Variants in FAF1 observed in about 807,000 individuals in gnomAD.
FAF1 encodes FAS-associated factor 1.
In FAF1, 25 loss-of-function variants were observed where a neutral mutation model predicts 92.5. The ratio of observed to expected loss-of-function variants is 0.27; its 90% CI spans 0.20 to 0.38. The LOEUF (loss-of-function observed/expected upper bound fraction) is 0.38, where lower values mean the gene tolerates loss of function less well. FAF1 is among the 10% of genes least tolerant of loss of function. The pLI is 1.00. For missense variants in FAF1, 636 were observed against 793.3 expected (o/e 0.80, Z 2.38); for synonymous variants, 234 against 273.2 (o/e 0.86, Z 1.42).
intron 5 of FAF1, among the ~76,000 whole-genome samples, chr1:50,740,883 TTTTAC>T (rs1409156467): frequency 1.3e-5 from 2 of 152,288 alleles, no homozygotes; most frequent in African/African-American, 4.8e-5. Flanking sequence ...TCTTTCATTG[TTTTAC>T]TTTGTGAATT....
intron 15 of FAF1, among the ~76,000 whole-genome samples, chr1:50,513,933 G>A (rs1263373305): frequency 6.6e-6 from 1 of 152,102 alleles, no homozygotes; most frequent in Admixed American, 6.5e-5. Context: ...CTTGCTTATT[G>A]TATTTCTCCA....
chr1:50,606,489 CTTTTTTTTTTTTTT>C (rs34498946), intron 8 of FAF1, among the ~76,000 whole-genome samples: 1 of 58,538 alleles, frequency 1.7e-5, no homozygotes, highest in Admixed American at 2.1e-4. Context: ...GTGAGAGTTG[CTTTTTTTTTTTTTT>C]TTTTTTTTTT....
chr1:50,901,899 T>G (rs1644800068), intron 1 of FAF1, among the ~76,000 whole-genome samples: 1 of 152,138 alleles, frequency 6.6e-6, no homozygotes, highest in African/African-American at 2.4e-5. Flanking sequence ...TACAGCCAGT[T>G]AACAATCACA....
intron 18 of FAF1, among the ~76,000 whole-genome samples, chr1:50,466,403 A>G (rs926780730): frequency 6.6e-6 from 1 of 152,200 alleles, no homozygotes; most frequent in African/African-American, 2.4e-5. Context: ...TGAGACGCCT[A>G]CTGGATGCAA....
At chr1:50,873,120 G>T (rs953266140) in intron 1 of FAF1, among the ~76,000 whole-genome samples, 6 of 152,170 alleles carry the variant, frequency 3.9e-5, no homozygotes, top group African/African-American at 1.2e-4. Context: ...TGAAGGCTCA[G>T]GTGATAATTA....
In FAF1 at chr1:50,873,447, C is replaced by A. The variant is rs921345860; in HGVS notation, c.46-15450G>T. Among the ~76,000 whole-genome samples the A allele has an allele frequency of 2.0e-5, 3 of 152,126 alleles. No homozygotes were observed. The East Asian group carries it at 5.8e-4, about 29-fold the overall frequency. ...TACTAGACATTATTTGAAATGTACACGCCAGGCTTTTATAGCTCCTTCCTT... is the reference window on the plus strand; with the variant it reads ...TACTAGACATTATTTGAAATGTACAAGCCAGGCTTTTATAGCTCCTTCCTT... On this transcript the variant is annotated intron_variant, in intron 1 of 18. Coordinates refer to ENST00000396153, the MANE Select transcript of FAF1 (RefSeq NM_007051.3).
At chr1:50,586,829 G>T (rs948035745) in intron 9 of FAF1, among the ~76,000 whole-genome samples, 2 of 152,212 alleles carry the variant, frequency 1.3e-5, no homozygotes, top group African/African-American at 4.8e-5. Flanking sequence ...TCTGGAGAAT[G>T]AAGTTGCCTT....
Position 50,635,865 on chromosome 1 carries a change from T to C in FAF1, c.744+19577A>G, listed in dbSNP as rs143716502. On this transcript the variant is annotated intron_variant, in intron 8 of 18. Coordinates refer to ENST00000396153, the MANE Select transcript of FAF1 (RefSeq NM_007051.3). ...AAATTTAGGTCAGCTACTAGGGGAA[T>C]AGACTAAATACTTTGGAAAGCCATC... Among the ~76,000 whole-genome samples the C allele has an allele frequency of 9.9e-4, 151 of 152,332 alleles. 1 individual carries two copies. Among genetic ancestry groups the C allele is most frequent in the African/African-American group, 3.6e-3 (148 of 41,584 alleles).
chr1:50,730,564 T>C (rs1259238439), intron 6 of FAF1, among the ~76,000 whole-genome samples: 1 of 152,226 alleles, frequency 6.6e-6, no homozygotes, highest in East Asian at 1.9e-4. Flanking sequence ...TTATTTTCTA[T>C]CTTTCTTATT....
chr1:50,619,897 G>GTCTC (rs765226812), intron 8 of FAF1, among the ~76,000 whole-genome samples: 1 of 150,214 alleles, frequency 6.7e-6, no homozygotes, highest in Admixed American at 6.6e-5. Context: ...AGTAGATTTG[G>GTCTC]TCTCTCTCTC....
chr1:50,689,614 C>G (rs1656828178), intron 7 of FAF1, among the ~76,000 whole-genome samples: 1 of 152,060 alleles, frequency 6.6e-6, no homozygotes, highest in South Asian at 2.1e-4. Flanking sequence ...CAAAACAAAA[C>G]ATATGTCCAA....
chr1:50,862,591 T>C (rs2124671312), intron 1 of FAF1, among the ~76,000 whole-genome samples: 1 of 151,938 alleles, frequency 6.6e-6, no homozygotes, highest in Admixed American at 6.6e-5. Context: ...ACTTAAAAGA[T>C]ATAGAATGGC....
chr1:50,482,411 C>T (rs1646714561), intron 17 of FAF1, among the ~76,000 whole-genome samples: 1 of 152,100 alleles, frequency 6.6e-6, no homozygotes. Flanking sequence ...TAGATGACTA[C>T]AAATAAAGCT....
chr1:50,780,966 C>T (rs1292089652), intron 4 of FAF1: 1 of 483,384 alleles, frequency 2.1e-6, no homozygotes, highest in South Asian at 1.5e-5. Flanking sequence ...AGGAGGTCAT[C>T]ATCTCTGCCA....
intron 15 of FAF1, among the ~76,000 whole-genome samples, chr1:50,500,099 C>T (rs1029192419): frequency 7.2e-5 from 11 of 152,106 alleles, no homozygotes; most frequent in Admixed American, 6.6e-5. Flanking sequence ...TCCAAATTAT[C>T]TACAGATTCA....
At chr1:50,739,346 A>G (rs1659283405) in intron 5 of FAF1, among the ~76,000 whole-genome samples, 2 of 152,206 alleles carry the variant, frequency 1.3e-5, no homozygotes. Context: ...GTACATGCAT[A>G]TACATGTGTA....
intron 13 of FAF1, among the ~76,000 whole-genome samples, chr1:50,560,994 G>A (rs554787095): frequency 6.6e-6 from 1 of 152,310 alleles, no homozygotes; most frequent in South Asian, 2.1e-4. Flanking sequence ...GGTTAATTCT[G>A]ATGGTGTTCT....
intron 13 of FAF1, among the ~76,000 whole-genome samples, chr1:50,543,078 T>C (rs1648832785): frequency 6.6e-6 from 1 of 152,204 alleles, no homozygotes; most frequent in Admixed American, 6.5e-5. Context: ...TAATCACTTG[T>C]AAAATTTTTC....
Position 50,884,521 on chromosome 1 carries a change from CAAAAAA to C in FAF1, c.46-26530_46-26525del, listed in dbSNP as rs560254938. Among the ~76,000 whole-genome samples, 18 of 90,626 alleles carry C rather than the reference CAAAAAA, an allele frequency of 2.0e-4. No individual in the cohort carries two copies. The East Asian group carries it at 5.7e-3, about 29-fold the overall frequency. The allele number at this position is 90,626 out of a possible 152,430, so 59.5% of individuals were successfully genotyped here. On this transcript the variant is annotated intron_variant, in intron 1 of 18. Coordinates refer to ENST00000396153, the MANE Select transcript of FAF1 (RefSeq NM_007051.3). The stretch of plus-strand genomic sequence containing the variant: ...TGGGCCACAGAGTGAGACTCTGTCT[CAAAAAA>C]AAAAAAAAAAAATTTTTTTTCTTAA...
Sources: gnomAD v4.1 joint callset for allele counts (sites outside exome capture counted in the v4.1 genomes callset) on GRCh38, gnomAD v4.1.1 for gene constraint, MANE v1.5 for transcripts, NCBI Gene and HGNC (gene_info 2026-07-23, HGNC 2026-07-21) for gene names.